LRRK2: variants seen among roughly 807,000 people sequenced by gnomAD.
The protein encoded by LRRK2 is leucine-rich repeat serine/threonine-protein kinase 2.
LRRK2 carries 203 observed loss-of-function variants against 302.6 expected under a neutral mutation model. The ratio of observed to expected loss-of-function variants is 0.67; its 90% confidence interval spans 0.60 to 0.75. LRRK2 has a LOEUF of 0.75. LRRK2 is among the 30% of genes least tolerant of loss of function. The pLI is 0.00. For missense variants in LRRK2, 2,830 were observed against 2,951.0 expected, an observed-to-expected ratio of 0.96 and a Z score of 0.95; for synonymous variants, 1,066 against 1,031.9, an observed-to-expected ratio of 1.03 and a Z score of -0.63.
rs996442175 is a variant in LRRK2, at chr12:40,324,173, G to A, written c.5656+867G>A. Among the ~76,000 whole-genome samples the A allele has an allele frequency of 2.0e-5, 3 of 151,998 alleles. No homozygotes were observed. In the South Asian group the frequency reaches 6.2e-4, roughly 32 times the overall value. On this transcript the variant is annotated intron_variant, in intron 38 of 50. Transcript: ENST00000298910. Reference sequence around the variant, plus strand: ...AAGCTAATGTCTTTACAAGACCTGCGATGCTGTGATCTGTCTGGCTCCTCG... The same window carrying A: ...AAGCTAATGTCTTTACAAGACCTGCAATGCTGTGATCTGTCTGGCTCCTCG...
At chr12:40,276,946 G>A (rs1943483546) in intron 16 of LRRK2, among the ~76,000 whole-genome samples, 1 of 151,966 alleles carries the variant, frequency 6.6e-6, no homozygotes, top group Admixed American at 6.6e-5. Context: ...TCCTGGGTGG[G>A]CTCAAGTGAT....
At chr12:40,367,170 C>A in intron 50 of LRRK2, 93 bp downstream of exon 50, 5 of 1,039,522 alleles carry the variant, frequency 4.8e-6, no homozygotes, top group Non-Finnish European at 7.3e-6. Flanking sequence ...GAAAATATTA[C>A]ATATGGTATA....
intron 11 of LRRK2, among the ~76,000 whole-genome samples, chr12:40,254,602 A>G (rs1425019161): frequency 1.3e-5 from 2 of 152,166 alleles, no homozygotes; most frequent in African/African-American, 4.8e-5. Context: ...GTAGACTTTT[A>G]CTATGTACAG....
chr12:40,239,218 G>A (rs977657677), intron 5 of LRRK2, among the ~76,000 whole-genome samples: 4 of 152,176 alleles, frequency 2.6e-5, no homozygotes, highest in Admixed American at 6.5e-5. Flanking sequence ...GTATTGCAGC[G>A]AGAGTGACTC....
intron 3 of LRRK2, 55 bp from the exon 4 acceptor site, chr12:40,235,571 C>A: frequency 8.1e-7 from 1 of 1,234,000 alleles, no homozygotes; most frequent in South Asian, 1.2e-5. Context: ...TGCAAATAAG[C>A]AAACTTTTGA....
intron 22 of LRRK2, 65 bp downstream of exon 22, chr12:40,294,979 T>A (rs1440297007): frequency 2.1e-5 from 20 of 950,786 alleles, no homozygotes; most frequent in Non-Finnish European, 3.2e-5. Context: ...TTTGGTTGAA[T>A]TTCCTCCAAT....
intron 12 of LRRK2, among the ~76,000 whole-genome samples, chr12:40,259,046 G>A (rs145770710): frequency 9.7e-4 from 147 of 152,330 alleles, no homozygotes; most frequent in South Asian, 5.6e-3. Context: ...TAATCTGGAA[G>A]AGGAAGGTTC....
chr12:40,277,542 C>T (rs1943511140), intron 16 of LRRK2, among the ~76,000 whole-genome samples: 1 of 152,252 alleles, frequency 6.6e-6, no homozygotes, highest in East Asian at 1.9e-4. Context: ...TTCTGCTGAT[C>T]CAACCGCTTT....
Position 40,363,501 on chromosome 12 carries a change from G to A in LRRK2, c.7128G>A (p.Trp2376Ter). The A allele has an allele frequency of 6.2e-7, 1 of 1,611,956 alleles. No homozygotes were observed. The highest frequency in any genetic ancestry group is 8.5e-7 in the Non-Finnish European group (1 of 1,178,694). Reference sequence around the variant, plus strand: ...AAAATAGCCCTGTTGTGGAAGTGTGGGATAAGAAAACTGAAAAACTCTGTG... The same window carrying A: ...AAAATAGCCCTGTTGTGGAAGTGTGAGATAAGAAAACTGAAAAACTCTGTG... ...AKQNSPVVEV[W>*]DKKTEKLCGL... The change falls in exon 48 of 51, where the codon TGG becomes TGA. Residue 2376 changes from tryptophan to a stop codon, truncating the protein, a stop_gained. Transcript: ENST00000298910. LOFTEE classifies it high-confidence loss of function.
intron 20 of LRRK2, among the ~76,000 whole-genome samples, chr12:40,290,577 A>T (rs977170688): frequency 6.6e-6 from 1 of 152,054 alleles, no homozygotes; most frequent in Non-Finnish European, 1.5e-5. Flanking sequence ...TGATAGATGT[A>T]TGATTATTTT....
chr12:40,252,697 G>A (rs1942326913), intron 10 of LRRK2, among the ~76,000 whole-genome samples: 1 of 151,794 alleles, frequency 6.6e-6, no homozygotes, highest in Admixed American at 6.6e-5. Context: ...TGCTGCATAT[G>A]CTTTTGAAAA....
rs201011415 is a variant in LRRK2 at position 40,359,292 on chromosome 12, T to C, written c.6876T>C (p.Asn2292=). The part of the protein sequence containing the change: ...LKGAAPLKIL[N]IGNVSTPLMC... ...GAGCTGCTCCTTTGAAGATACTAAA[T>C]ATAGGAAATGTCAGTACTCCATTGA... Residue 2292 remains asparagine, a synonymous_variant, in exon 47 of 51, where the codon AAT becomes AAC. Coordinates refer to ENST00000298910, the MANE Select transcript of LRRK2 (RefSeq NM_198578.4). The C allele has an allele frequency of 1.3e-5, 21 of 1,612,416 alleles. No individual in the cohort carries two copies. Among genetic ancestry groups the C allele is most frequent in the Non-Finnish European group, 1.7e-5 (20 of 1,179,276 alleles).
chr12:40,225,359 C>T, intron 1 of LRRK2, 77 bp downstream of exon 1: 1 of 1,542,226 alleles, frequency 6.5e-7, no homozygotes, highest in Non-Finnish European at 8.9e-7. Flanking sequence ...ATTTTGTCCT[C>T]CTCCCCTTGA....
rs1410334530 is a variant in LRRK2, at chr12:40,225,094, C to A, written c.-38C>A. The A allele has an allele frequency of 1.9e-6, 3 of 1,612,206 alleles. No individual in the cohort carries two copies. Among genetic ancestry groups the A allele is most frequent in the Admixed American group, 1.7e-5 (1 of 59,962 alleles). On this transcript the variant is annotated 5_prime_UTR_variant, in exon 1 of 51. Transcript: ENST00000298910. ...GCCGGTTCCCTGAGCAGCGGACGTTCATGCTGGGAGGGCGGCGGGTTGGAA... is the reference window on the plus strand; with the variant it reads ...GCCGGTTCCCTGAGCAGCGGACGTTAATGCTGGGAGGGCGGCGGGTTGGAA...
intron 41 of LRRK2, among the ~76,000 whole-genome samples, chr12:40,342,820 T>C (rs1946085645): frequency 2.0e-5 from 3 of 152,180 alleles, no homozygotes; most frequent in Non-Finnish European, 4.4e-5. Context: ...TGGGTGTATT[T>C]TTATACTAAC....
At chr12:40,337,702 A>G (rs1945916767) in intron 40 of LRRK2, among the ~76,000 whole-genome samples, 1 of 152,194 alleles carries the variant, frequency 6.6e-6, no homozygotes, top group Non-Finnish European at 1.5e-5. Flanking sequence ...AAATCTGTTT[A>G]TGCTTGCAAT....
At chr12:40,229,309 T>G (rs1312015870) in intron 2 of LRRK2, among the ~76,000 whole-genome samples, 1 of 152,174 alleles carries the variant, frequency 6.6e-6, no homozygotes, top group African/African-American at 2.4e-5. Flanking sequence ...TTCATTTAAT[T>G]TAATAGTAAT....
At chr12:40,361,152 A>C (rs922540593) in intron 47 of LRRK2, among the ~76,000 whole-genome samples, 4 of 151,976 alleles carry the variant, frequency 2.6e-5, no homozygotes, top group Non-Finnish European at 5.9e-5. Flanking sequence ...TCAGGTTCTC[A>C]AGTGATTCTA....
chr12:40,334,949 GA>G lies in LRRK2; in HGVS notation c.5758-17del. The G allele has an allele frequency of 2.5e-6, 4 of 1,613,326 alleles. No homozygotes were observed. Among genetic ancestry groups the G allele is most frequent in the Non-Finnish European group, 3.4e-6 (4 of 1,179,930 alleles). On this transcript the variant is annotated splice_polypyrimidine_tract_variant and intron_variant, in intron 39 of 50. Transcript: ENST00000298910. Reference sequence around the variant, plus strand: ...ACCTGATGTTGAATTACTCTTACATGATTTTGGACTTTTGCAGGAGCTTGTG... The same window carrying G: ...ACCTGATGTTGAATTACTCTTACATGTTTTGGACTTTTGCAGGAGCTTGTG...
Sources: gnomAD v4.1 joint callset for allele counts (sites outside exome capture counted in the v4.1 genomes callset) on GRCh38, gnomAD v4.1.1 for gene constraint, MANE v1.5 for transcripts, NCBI Gene and HGNC (gene_info 2026-07-23, HGNC 2026-07-21) for gene names.